Variants in TCF12 observed in about 807,000 individuals in gnomAD.
The protein encoded by TCF12 is DNA-binding protein HTF4.
A neutral mutation model predicts 86.0 loss-of-function variants in TCF12; 45 were observed. That is an observed-to-expected ratio of 0.52 (90% CI 0.41 to 0.67). TCF12 has a LOEUF of 0.67. Among genes scored for constraint, TCF12 ranks in the 30% least tolerant of loss-of-function variants. The pLI, the probability that TCF12 is intolerant of heterozygous loss-of-function variation, is 0.00. For missense variants in TCF12, 881 were observed against 859.9 expected (o/e 1.02, Z -0.31); for synonymous variants, 330 against 299.6 (o/e 1.10, Z -1.05).
At chr15:57,114,968 G>T (rs993284201) in intron 5 of TCF12, among the ~76,000 whole-genome samples, 6 of 151,740 alleles carry the variant, frequency 4.0e-5, no homozygotes, top group Non-Finnish European at 8.8e-5. Context: ...AAAACAGTAA[G>T]CATGTTTATT....
chr15:56,932,121 G>A (rs1347724257), intron 3 of TCF12, among the ~76,000 whole-genome samples: 1 of 152,150 alleles, frequency 6.6e-6, no homozygotes, highest in African/African-American at 2.4e-5. Flanking sequence ...TGCCAAATAA[G>A]TTATAATAGC....
At chr15:57,157,447 A>T (rs2054188841) in intron 5 of TCF12, among the ~76,000 whole-genome samples, 1 of 152,228 alleles carries the variant, frequency 6.6e-6, no homozygotes, top group Admixed American at 6.5e-5. Context: ...AGTGCAATAC[A>T]GATGTAAATT....
At chr15:56,941,764 C>T (rs763921059) in intron 3 of TCF12, among the ~76,000 whole-genome samples, 13 of 151,626 alleles carry the variant, frequency 8.6e-5, no homozygotes, top group Admixed American at 4.6e-4. Context: ...AGTGCCCAGC[C>T]GGAAAAAGCA....
intron 4 of TCF12, among the ~76,000 whole-genome samples, chr15:57,074,225 C>G (rs1307409335): frequency 6.6e-6 from 1 of 152,112 alleles, no homozygotes; most frequent in Non-Finnish European, 1.5e-5. Flanking sequence ...GATTTCTCAT[C>G]TCCAAAGAGC....
intron 3 of TCF12, among the ~76,000 whole-genome samples, chr15:57,024,782 C>T (rs1367773515): frequency 6.6e-6 from 1 of 152,124 alleles, no homozygotes; most frequent in African/African-American, 2.4e-5. Flanking sequence ...ATTACATTAG[C>T]TCCACATATA....
At chr15:57,197,721 G>A (rs368299526) in intron 7 of TCF12, 52 bp from the exon 8 acceptor site, 5 of 1,588,428 alleles carry the variant, frequency 3.1e-6, no homozygotes, top group African/African-American at 2.7e-5. Context: ...TTGAAGTCTT[G>A]ATTTTTTTCT....
At chr15:57,220,705 A>G (rs749884204) in intron 8 of TCF12, among the ~76,000 whole-genome samples, 38 of 152,182 alleles carry the variant, frequency 2.5e-4, no homozygotes, top group Non-Finnish European at 4.9e-4. Flanking sequence ...TTCTAAAAAA[A>G]AAAGAGTAAA....
intron 3 of TCF12, among the ~76,000 whole-genome samples, chr15:56,991,793 C>T (rs1595999703): frequency 6.6e-6 from 1 of 151,732 alleles, no homozygotes; most frequent in Non-Finnish European, 1.5e-5. Flanking sequence ...TTATAGTGCC[C>T]TTTTTTTTAT....
intron 3 of TCF12, among the ~76,000 whole-genome samples, chr15:56,950,173 G>C (rs2061202462): frequency 6.6e-6 from 1 of 151,984 alleles, no homozygotes; most frequent in Non-Finnish European, 1.5e-5. Context: ...CATAACTACT[G>C]ATCTGGTTTT....
At chr15:57,190,148 C>G (rs2056905289) in intron 6 of TCF12, among the ~76,000 whole-genome samples, 1 of 152,084 alleles carries the variant, frequency 6.6e-6, no homozygotes, top group Admixed American at 6.6e-5. Flanking sequence ...GTTCTGAAAC[C>G]TAGAGAGGTG....
intron 8 of TCF12, among the ~76,000 whole-genome samples, chr15:57,205,374 A>T (rs2057760820): frequency 6.6e-6 from 1 of 152,242 alleles, no homozygotes; most frequent in South Asian, 2.1e-4. Flanking sequence ...CTGATTCTGG[A>T]ATAAATAGTA....
intron 8 of TCF12, among the ~76,000 whole-genome samples, chr15:57,211,247 T>A (rs2058089458): frequency 6.6e-6 from 1 of 152,190 alleles, no homozygotes; most frequent in Non-Finnish European, 1.5e-5. Context: ...TATTTTGTTT[T>A]ACTATTTTGT....
At chr15:56,990,685 T>G (rs899984163) in intron 3 of TCF12, among the ~76,000 whole-genome samples, 1 of 152,206 alleles carries the variant, frequency 6.6e-6, no homozygotes, top group Admixed American at 6.5e-5. Context: ...GATAGCCCAA[T>G]GTGTTCTTGG....
chr15:57,094,765 A>G (rs866557978), intron 5 of TCF12, among the ~76,000 whole-genome samples: 3 of 152,188 alleles, frequency 2.0e-5, no homozygotes, highest in East Asian at 3.9e-4. Context: ...GTTGCTGTCA[A>G]CATATAAAAA....
intron 8 of TCF12, chr15:57,219,698 C>T: frequency 1.2e-6 from 1 of 802,048 alleles, no homozygotes; most frequent in South Asian, 1.9e-5. Flanking sequence ...TCCTTTTATG[C>T]AATGTATTAG....
intron 3 of TCF12, among the ~76,000 whole-genome samples, chr15:56,949,589 GA>G (rs2061170042): frequency 6.6e-6 from 1 of 152,170 alleles, no homozygotes; most frequent in African/African-American, 2.4e-5. Flanking sequence ...ACCGGCTTTT[GA>G]AAAACTTGTT....
chr15:57,126,062 C>G (rs1285519926), intron 5 of TCF12, among the ~76,000 whole-genome samples: 1 of 152,024 alleles, frequency 6.6e-6, no homozygotes, highest in Non-Finnish European at 1.5e-5. Context: ...GAAACCACGT[C>G]CCTACTAAAA....
intron 5 of TCF12, among the ~76,000 whole-genome samples, chr15:57,156,447 G>A (rs1338713566): frequency 6.6e-6 from 1 of 152,164 alleles, no homozygotes; most frequent in Non-Finnish European, 1.5e-5. Context: ...TTCCATGTTT[G>A]TTTCATTCCG....
intron 5 of TCF12, among the ~76,000 whole-genome samples, chr15:57,140,925 A>G (rs893997999): frequency 3.3e-5 from 5 of 152,080 alleles, no homozygotes; most frequent in Admixed American, 1.3e-4. Context: ...GTATTGTCCA[A>G]TCTGTGCTTT....
Sources: allele counts gnomAD v4.1 joint callset (sites outside exome capture counted in the v4.1 genomes callset), GRCh38; gene constraint gnomAD v4.1.1; transcripts MANE v1.5; gene names NCBI Gene and HGNC (gene_info 2026-07-23, HGNC 2026-07-21).